Variants in QRICH2 observed in about 807,000 individuals in gnomAD.
QRICH2 encodes glutamine-rich protein 2.
A neutral mutation model predicts 168.3 loss-of-function variants in QRICH2; 119 were observed. The observed-to-expected ratio is 0.71, with a 90% CI of 0.61 to 0.82. The LOEUF is 0.82. Ranked by LOEUF, QRICH2 falls within the 40% of genes least tolerant of loss-of-function variation. The pLI, the probability that QRICH2 is intolerant of heterozygous loss-of-function variation, is 0.00. For missense variants in QRICH2, 2,241 were observed against 2,491.6 expected (o/e 0.90, Z 2.14); for synonymous variants, 894 against 951.2 (o/e 0.94, Z 1.11).
chr17:76,298,843 C>G (rs1403685853), intron 3 of QRICH2, among the ~76,000 whole-genome samples: 2 of 152,042 alleles, frequency 1.3e-5, no homozygotes, highest in African/African-American at 4.8e-5. Flanking sequence ...CTCAAATTCC[C>G]GACCTCAAGT....
intron 4 of QRICH2, among the ~76,000 whole-genome samples, chr17:76,290,331 T>G (rs961470036): frequency 2.0e-5 from 3 of 152,138 alleles, no homozygotes; most frequent in African/African-American, 7.2e-5. Context: ...TTCCAACCAC[T>G]GCAAAAAATC....
At position 76,280,802 on chromosome 17, in the gene QRICH2, C is replaced by T. The variant is rs371080124; in HGVS notation, c.4386+29G>A. 105 of 1,613,974 alleles carry T rather than the reference C, an allele frequency of 6.5e-5. No homozygotes were observed. The highest frequency in any genetic ancestry group is 8.6e-5 in the Non-Finnish European group (102 of 1,180,016). ...CTAGGGCACCACATTGAGCCCCGGC[C>T]CCATCCCAGCCACCCTGCGGCCGCT... On this transcript the variant is annotated intron_variant, in intron 9 of 18. Coordinates refer to ENST00000680821, the MANE Select transcript of QRICH2 (RefSeq NM_001388453.1). The surrounding 1 kb of genome is among the most constrained non-coding windows in gnomAD (Gnocchi z 7.4).
At chr17:76,282,222 C>T in intron 7 of QRICH2, 107 bp from the exon 8 acceptor site, 2 of 1,398,754 alleles carry the variant, frequency 1.4e-6, no homozygotes, top group South Asian at 2.9e-5. Flanking sequence ...CTGTCGTGCC[C>T]TGGGCAGTTG....
rs1211590959 is a variant in QRICH2 at position 76,280,116 on chromosome 17, C to T, written c.4665G>A (p.Leu1555=). ...RLELDPVKQL[L]EDRWKSLRQQ... is the part of the protein sequence containing the mutation. ...GTCGCAGCGATTTCCACCGATCCTC[C>T]AGCAACTGCTTCACTGGGTCCAGCT... Residue 1555 remains leucine, a synonymous_variant, in exon 12 of 19, where the codon CTG becomes CTA. Transcript: ENST00000680821. This position sits in a 1 kb window ranked among gnomAD's most constrained non-coding sequence, Gnocchi z 7.4. 1.9e-6 allele frequency: 3 copies of T among 1,613,806 alleles called. No individual in the cohort carries two copies. The highest frequency in any genetic ancestry group is 1.7e-6 in the Non-Finnish European group (2 of 1,180,016).
intron 7 of QRICH2, among the ~76,000 whole-genome samples, chr17:76,283,459 G>C (rs1039426742): frequency 3.3e-5 from 5 of 152,204 alleles, no homozygotes; most frequent in South Asian, 2.1e-4. Context: ...CCAGACATGA[G>C]CTTGGACTGA....
rs1212249131 is a variant in QRICH2 at position 76,291,540 on chromosome 17, G to A, written c.3187C>T (p.Pro1063Ser). ...HPGTDQHSPI[P>S]LSTGLGSTHP... is the part of the protein sequence containing the mutation. ...GTAGATCCCAAACCTGTACTCAGTGGTATTGGGCTGTGCTGGTCTGTGCCA... is the reference window on the plus strand; with the variant it reads ...GTAGATCCCAAACCTGTACTCAGTGATATTGGGCTGTGCTGGTCTGTGCCA... The change falls in exon 4 of 19, where the codon CCA becomes TCA. Residue 1063 changes from proline to serine, a missense_variant. Coordinates refer to ENST00000680821, the MANE Select transcript of QRICH2 (RefSeq NM_001388453.1). 2 of 1,608,130 alleles carry A rather than the reference G, an allele frequency of 1.2e-6. No individual in the cohort carries two copies. Among genetic ancestry groups the A allele is most frequent in the African/African-American group, 1.4e-5 (1 of 73,456 alleles).
intron 1 of QRICH2, 32 bp from the exon 2 acceptor site, chr17:76,304,973 A>G (rs1567790928): frequency 6.6e-7 from 1 of 1,524,368 alleles, no homozygotes. Context: ...GGAGAATGAC[A>G]GTGGCCCCTA....
At chr17:76,302,897 T>A (rs2070928921) in intron 3 of QRICH2, among the ~76,000 whole-genome samples, 1 of 152,078 alleles carries the variant, frequency 6.6e-6, no homozygotes, top group Non-Finnish European at 1.5e-5. Flanking sequence ...TGTTTTTTTT[T>A]TTGAGATGGA....
At chr17:76,302,576 G>A (rs1004091130) in intron 3 of QRICH2, among the ~76,000 whole-genome samples, 1 of 152,120 alleles carries the variant, frequency 6.6e-6, no homozygotes, top group Admixed American at 6.6e-5. Flanking sequence ...CAAGAAGGAG[G>A]CTGAAGCTGA....
intron 7 of QRICH2, among the ~76,000 whole-genome samples, chr17:76,283,790 C>G (rs922328939): frequency 3.5e-5 from 5 of 142,190 alleles, no homozygotes; most frequent in Non-Finnish European, 7.4e-5. Context: ...AGGAGAATTG[C>G]TTGAACCTGG....
chr17:76,279,027 G>A lies in QRICH2; in HGVS notation c.4916+14C>T, dbSNP rs1161905655. On this transcript the variant is annotated intron_variant, in intron 14 of 18. Coordinates refer to ENST00000680821, the MANE Select transcript of QRICH2 (RefSeq NM_001388453.1). ...CCCGGACCCATATGTCCCATATGCTGTCCCATAGCATACTTGCGGCTATGC... is the reference window on the plus strand; with the variant it reads ...CCCGGACCCATATGTCCCATATGCTATCCCATAGCATACTTGCGGCTATGC... 6.2e-7 allele frequency: 1 copy of A among 1,602,478 alleles called. No individual in the cohort carries two copies. The highest frequency in any genetic ancestry group is 1.3e-5 in the African/African-American group (1 of 74,804).
intron 7 of QRICH2, among the ~76,000 whole-genome samples, chr17:76,283,354 C>A (rs1382951218): frequency 6.6e-6 from 1 of 151,998 alleles, no homozygotes; most frequent in Non-Finnish European, 1.5e-5. Flanking sequence ...AAAGATGGGG[C>A]ATGTGGAAGT....
chr17:76,287,472 T>G (rs1243642300), intron 6 of QRICH2, among the ~76,000 whole-genome samples, 166 bp from the exon 7 acceptor site: 5 of 152,094 alleles, frequency 3.3e-5, no homozygotes, highest in Non-Finnish European at 7.4e-5. Context: ...GCCTCTGTCC[T>G]GGGAGGCTTC....
chr17:76,285,995 AC>A (rs1349299992), intron 7 of QRICH2, among the ~76,000 whole-genome samples: 1 of 151,350 alleles, frequency 6.6e-6, no homozygotes, highest in African/African-American at 2.4e-5. Flanking sequence ...ACACAGTGAA[AC>A]CCCGTCTCTG....
intron 7 of QRICH2, among the ~76,000 whole-genome samples, chr17:76,283,640 A>G (rs149763625): frequency 0.1 from 14,672 of 144,710 alleles, 2,367 homozygotes; most frequent in African/African-American, 0.34. Context: ...TTGGGAGGCC[A>G]AGGTGGGTGG....
At chr17:76,310,168 T>C (rs947610614), upstream of QRICH2, 2 of 149,140 alleles carry the variant, frequency 1.3e-5, no homozygotes. Context: ...GGCTAATTTT[T>C]GTATTTTTAG....
chr17:76,292,902 C>G lies in QRICH2; in HGVS notation c.1825G>C (p.Gly609Arg). ...GLVRPGMDQS[G>R]LAQPGADQRG... is the part of the protein sequence containing the mutation. ...TGATCTGCACCAGGTTGGGCCAAACCAGACTGATCCATTCCAGGCCGGACC... is the reference window on the plus strand; with the variant it reads ...TGATCTGCACCAGGTTGGGCCAAACGAGACTGATCCATTCCAGGCCGGACC... The change falls in exon 4 of 19, where the codon GGT (glycine) becomes CGT (arginine). Residue 609 changes from glycine to arginine, a missense_variant. By Grantham distance (125) the Gly-to-Arg change is moderately radical. Transcript: ENST00000680821. The G allele has an allele frequency of 6.2e-7, 1 of 1,611,642 alleles. No individual in the cohort carries two copies. Among genetic ancestry groups the G allele is most frequent in the South Asian group, 1.1e-5 (1 of 91,048 alleles).
chr17:76,294,547 T>A (rs894774924), intron 3 of QRICH2, among the ~76,000 whole-genome samples: 4 of 151,540 alleles, frequency 2.6e-5, no homozygotes, highest in African/African-American at 9.7e-5. Flanking sequence ...GTGCGGTGGC[T>A]TATGCTTATA....
At chr17:76,299,080 ATCTG>A (rs758320498) in intron 3 of QRICH2, among the ~76,000 whole-genome samples, 16 of 152,244 alleles carry the variant, frequency 1.1e-4, no homozygotes, top group African/African-American at 2.9e-4. Context: ...ACAGGCATGC[ATCTG>A]TCTGTCTTGA....
Sources: allele counts gnomAD v4.1 joint callset (sites outside exome capture counted in the v4.1 genomes callset), GRCh38; gene constraint gnomAD v4.1.1; non-coding constraint Gnocchi (gnomAD v3.1); transcripts MANE v1.5; gene names NCBI Gene and HGNC (gene_info 2026-07-23, HGNC 2026-07-21).